CDH13: variants seen among roughly 807,000 people sequenced by gnomAD.
CDH13 encodes cadherin-13.
A neutral mutation model predicts 63.8 loss-of-function variants in CDH13; 24 were observed. The ratio of observed to expected loss-of-function variants is 0.38; its 90% confidence interval spans 0.27 to 0.53. The LOEUF (loss-of-function observed/expected upper bound fraction) is 0.53, where lower values mean the gene tolerates loss of function less well. CDH13 is among the 20% of genes least tolerant of loss of function. The pLI is 0.85. For missense variants in CDH13, 1,049 were observed against 903.1 expected (o/e 1.16, Z -2.07); for synonymous variants, 503 against 355.3 (o/e 1.42, Z -4.67).
At chr16:83,036,194 G>A (rs897876153) in intron 3 of CDH13, among the ~76,000 whole-genome samples, 1 of 146,870 alleles carries the variant, frequency 6.8e-6, no homozygotes, top group African/African-American at 2.5e-5. Context: ...CTGTCTCACA[G>A]GCTGGAGTGC....
At chr16:82,978,432 G>A (rs1368102084) in intron 2 of CDH13, among the ~76,000 whole-genome samples, 1 of 152,230 alleles carries the variant, frequency 6.6e-6, no homozygotes, top group Non-Finnish European at 1.5e-5. Context: ...TCCCATTGCA[G>A]GCCTGGAGGC....
At chr16:82,969,612 G>C (rs1276396235) in intron 2 of CDH13, among the ~76,000 whole-genome samples, 1 of 151,836 alleles carries the variant, frequency 6.6e-6, no homozygotes, top group African/African-American at 2.4e-5. Context: ...TTGTGAGGGA[G>C]TACATTATAG....
chr16:83,212,975 T>C (rs2039382438), intron 4 of CDH13, among the ~76,000 whole-genome samples: 1 of 152,200 alleles, frequency 6.6e-6, no homozygotes, highest in South Asian at 2.1e-4. Context: ...CCATAGGGCC[T>C]CTCACTCTGG....
intron 10 of CDH13, among the ~76,000 whole-genome samples, chr16:83,738,650 G>C (rs1045360199): frequency 6.6e-6 from 1 of 152,308 alleles, no homozygotes; most frequent in African/African-American, 2.4e-5. Context: ...GCTCAAGCCT[G>C]TAATCCCAGC....
chr16:82,841,031 C>G (rs113350778), intron 1 of CDH13, among the ~76,000 whole-genome samples: 2 of 152,200 alleles, frequency 1.3e-5, no homozygotes, highest in Admixed American at 1.3e-4. Context: ...AGCAGTGCAA[C>G]TGTGATGACA....
intron 2 of CDH13, among the ~76,000 whole-genome samples, chr16:83,011,887 A>T (rs1215255964): frequency 1.3e-5 from 2 of 152,146 alleles, no homozygotes; most frequent in Non-Finnish European, 2.9e-5. Flanking sequence ...GGGTTGAACA[A>T]CTGTTTCGTT....
intron 2 of CDH13, among the ~76,000 whole-genome samples, chr16:82,909,414 G>A (rs1369354859): frequency 3.3e-5 from 5 of 152,116 alleles, no homozygotes; most frequent in African/African-American, 1.2e-4. Context: ...TGAAATTTGT[G>A]TTTTAACATT....
chr16:83,280,644 C>T (rs912007331), intron 5 of CDH13, among the ~76,000 whole-genome samples: 1 of 152,072 alleles, frequency 6.6e-6, no homozygotes, highest in Non-Finnish European at 1.5e-5. Flanking sequence ...GTTTACTTTG[C>T]CCAGATCCAT....
intron 7 of CDH13, among the ~76,000 whole-genome samples, chr16:83,596,343 C>T (rs183524249): frequency 1.3e-3 from 194 of 152,292 alleles, no homozygotes; most frequent in African/African-American, 4.4e-3. Context: ...GGGGTTTACC[C>T]TACATTCCTG....
intron 1 of CDH13, among the ~76,000 whole-genome samples, chr16:82,750,238 A>G (rs2034353584): frequency 6.6e-6 from 1 of 152,142 alleles, no homozygotes; most frequent in Admixed American, 6.5e-5. Flanking sequence ...AAATAAGAAT[A>G]TCTTTATTGC....
chr16:82,886,831 C>A (rs929960392), intron 2 of CDH13, among the ~76,000 whole-genome samples: 1 of 152,122 alleles, frequency 6.6e-6, no homozygotes, highest in East Asian at 1.9e-4. Context: ...ACTTCCCTAC[C>A]TTTGAGTGGG....
At chr16:83,101,555 G>A (rs912867162) in intron 3 of CDH13, among the ~76,000 whole-genome samples, 4 of 152,140 alleles carry the variant, frequency 2.6e-5, no homozygotes, top group Non-Finnish European at 4.4e-5. Context: ...CACTTTGGGA[G>A]ACCGAGGTGG....
At position 83,718,251 on chromosome 16, in the gene CDH13, C is replaced by T. The variant is rs548371503; in HGVS notation, c.1539-29857C>T. Among the ~76,000 whole-genome samples, 239 of 152,338 alleles carry T rather than the reference C, an allele frequency of 1.6e-3. 1 individual carries two copies. The highest frequency in any genetic ancestry group is 3.4e-3 in the Middle Eastern group (1 of 294). ...AATCCCAGAGGAACACACTCCTGGG[C>T]TTATTCCATCCAAGTAATATCGTAG... On this transcript the variant is annotated intron_variant, in intron 10 of 13. Transcript: ENST00000567109.
At chr16:83,535,378 G>A (rs1825471657) in intron 7 of CDH13, among the ~76,000 whole-genome samples, 2 of 152,224 alleles carry the variant, frequency 1.3e-5, no homozygotes, top group South Asian at 2.1e-4. Context: ...TAGATGCTGT[G>A]GCCACATTGT....
chr16:83,387,266 C>T (rs868450637), intron 6 of CDH13, among the ~76,000 whole-genome samples: 1 of 152,154 alleles, frequency 6.6e-6, no homozygotes, highest in African/African-American at 2.4e-5. Flanking sequence ...AACTTAAGGG[C>T]TGTTCTTTCT....
intron 7 of CDH13, among the ~76,000 whole-genome samples, chr16:83,558,153 T>G (rs1199932563): frequency 6.6e-6 from 1 of 152,204 alleles, no homozygotes; most frequent in Non-Finnish European, 1.5e-5. Flanking sequence ...GTATGTCACC[T>G]GTTGTAGAGG....
At chr16:83,160,348 T>TA (rs1227808573) in intron 4 of CDH13, among the ~76,000 whole-genome samples, 1 of 151,976 alleles carries the variant, frequency 6.6e-6, no homozygotes, top group Non-Finnish European at 1.5e-5. Flanking sequence ...AAACTGCTCT[T>TA]AAAAAAACCG....
intron 8 of CDH13, among the ~76,000 whole-genome samples, chr16:83,649,944 T>C (rs11149587): frequency 1 from 151,976 of 152,330 alleles, 75,811 homozygotes; most frequent in Middle Eastern, 1. Flanking sequence ...GGAAAATGGA[T>C]GACATGCCAT....
chr16:83,755,253 T>G (rs994921627), intron 11 of CDH13, among the ~76,000 whole-genome samples: 2 of 152,142 alleles, frequency 1.3e-5, no homozygotes, highest in African/African-American at 2.4e-5. Flanking sequence ...TAACCTGGAA[T>G]ATGAATCTAT....
Sources: gnomAD v4.1 joint callset for allele counts (sites outside exome capture counted in the v4.1 genomes callset) on GRCh38, gnomAD v4.1.1 for gene constraint, MANE v1.5 for transcripts, NCBI Gene and HGNC (gene_info 2026-07-23, HGNC 2026-07-21) for gene names.